CDH13: variants seen among roughly 807,000 people sequenced by gnomAD.
The protein encoded by CDH13 is cadherin-13.
A neutral mutation model predicts 63.8 loss-of-function variants in CDH13; 24 were observed. The ratio of observed to expected loss-of-function variants is 0.38; its 90% confidence interval spans 0.27 to 0.53. The LOEUF (loss-of-function observed/expected upper bound fraction) is 0.53. CDH13 is among the 20% of genes least tolerant of loss of function. CDH13 has a pLI of 0.85. For missense variants in CDH13, 1,049 were observed against 903.1 expected, an observed-to-expected ratio of 1.16 and a Z score of -2.07; for synonymous variants, 503 against 355.3, an observed-to-expected ratio of 1.42 and a Z score of -4.67.
rs563011722 is a variant in CDH13 at position 82,644,779 on chromosome 16, G to T, written c.45+17642G>T. On this transcript the variant is annotated intron_variant, in intron 1 of 13. Coordinates refer to ENST00000567109, the MANE Select transcript of CDH13 (RefSeq NM_001257.5). The surrounding 1 kb of genome is among the most constrained non-coding windows in gnomAD (Gnocchi z 5.7). ...TTAAAGCCTTTCCAGGTAGCAACAG[G>T]AGATCACGCAAAGCCACGTAAGTGT... Among the ~76,000 whole-genome samples the T allele has an allele frequency of 6.6e-6, 1 of 152,140 alleles. No individual in the cohort carries two copies. The highest frequency in any genetic ancestry group is 1.5e-5 in the Non-Finnish European group (1 of 68,026).
intron 2 of CDH13, among the ~76,000 whole-genome samples, chr16:83,010,152 A>AAAAAAAAAAC (rs1913987891): frequency 6.7e-6 from 1 of 149,058 alleles, no homozygotes; most frequent in Non-Finnish European, 1.5e-5. Flanking sequence ...AAAAAAAAAA[A>AAAAAAAAAAC]AAAAAAAAAA....
chr16:82,846,437 C>A (rs1386597456), intron 1 of CDH13, among the ~76,000 whole-genome samples: 1 of 152,118 alleles, frequency 6.6e-6, no homozygotes, highest in Non-Finnish European at 1.5e-5. Flanking sequence ...TGTCCTGAAA[C>A]ATTTGATTTG....
chr16:82,996,265 G>GA (rs1238298909), intron 2 of CDH13, among the ~76,000 whole-genome samples: 25 of 150,184 alleles, frequency 1.7e-4, no homozygotes, highest in East Asian at 3.9e-4. Context: ...GTAAGAAAAA[G>GA]AAAAAAAAAG....
At chr16:83,567,015 A>G (rs1355854999) in intron 7 of CDH13, among the ~76,000 whole-genome samples, 1 of 152,144 alleles carries the variant, frequency 6.6e-6, no homozygotes, top group Non-Finnish European at 1.5e-5. Context: ...CCTGTGTGTC[A>G]TACAGTTCTA....
At chr16:82,825,134 T>C (rs971706271) in intron 1 of CDH13, 1 of 152,206 alleles carries the variant, frequency 6.6e-6, no homozygotes, top group Non-Finnish European at 1.5e-5. Context: ...GATGTTTTCT[T>C]GAACTCTCCA....
chr16:83,768,443 G>T (rs943696287), intron 11 of CDH13, among the ~76,000 whole-genome samples: 3 of 152,174 alleles, frequency 2.0e-5, no homozygotes, highest in Admixed American at 6.5e-5. Context: ...ACACCAGGTT[G>T]CAGCAGAGAA....
intron 5 of CDH13, among the ~76,000 whole-genome samples, chr16:83,237,865 G>C (rs1389755688): frequency 6.6e-6 from 1 of 152,210 alleles, no homozygotes; most frequent in Non-Finnish European, 1.5e-5. Flanking sequence ...AACATTATTT[G>C]TGTCTTTGGG....
chr16:82,638,497 C>G (rs916079810), intron 1 of CDH13, among the ~76,000 whole-genome samples: 1 of 152,180 alleles, frequency 6.6e-6, no homozygotes, highest in Non-Finnish European at 1.5e-5. Flanking sequence ...TTAATGATGT[C>G]ATCCTATGCT....
chr16:83,746,070 G>A (rs1597166128), intron 10 of CDH13, among the ~76,000 whole-genome samples: 1 of 152,134 alleles, frequency 6.6e-6, no homozygotes, highest in Admixed American at 6.6e-5. Flanking sequence ...TCTGTAAGTG[G>A]GGATATTATA....
At chr16:82,836,702 G>T (rs1334004182) in intron 1 of CDH13, among the ~76,000 whole-genome samples, 1 of 152,106 alleles carries the variant, frequency 6.6e-6, no homozygotes, top group Non-Finnish European at 1.5e-5. Flanking sequence ...TGCTGATGCC[G>T]ACTTCCTGCA....
intron 6 of CDH13, among the ~76,000 whole-genome samples, chr16:83,406,364 C>T (rs78774931): frequency 0.017 from 2,573 of 152,254 alleles, 78 homozygotes; most frequent in African/African-American, 0.059. Flanking sequence ...GTCTTTGTCT[C>T]AGGCTCAGCC....
intron 3 of CDH13, among the ~76,000 whole-genome samples, chr16:83,068,915 A>G (rs181880294): frequency 6.6e-6 from 1 of 152,256 alleles, no homozygotes; most frequent in East Asian, 1.9e-4. Context: ...ATGACACATG[A>G]TTGCCACCCA....
At chr16:82,675,488 A>G (rs535675886) in intron 1 of CDH13, among the ~76,000 whole-genome samples, 197 of 152,312 alleles carry the variant, frequency 1.3e-3, no homozygotes, top group African/African-American at 4.4e-3. Flanking sequence ...GAATTAAGGT[A>G]TTCTCCTCTG....
Position 82,858,397 on chromosome 16 carries a change from C to T in CDH13, c.81C>T (p.Cys27=). The change falls in exon 2 of 14, where the codon TGC becomes TGT. Residue 27 remains cysteine, a synonymous_variant. Coordinates refer to ENST00000567109, the MANE Select transcript of CDH13 (RefSeq NM_001257.5). ...TAACATCTGCAGAAGATTTGGACTGCACTCCTGGATTTCAGCAGAAAGTGT... is the reference window on the plus strand; with the variant it reads ...TAACATCTGCAGAAGATTTGGACTGTACTCCTGGATTTCAGCAGAAAGTGT... ...LLLTSAEDLD[C]TPGFQQKVFH... 6.2e-7 allele frequency: 1 copy of T among 1,613,654 alleles called. No homozygotes were observed. Among genetic ancestry groups the T allele is most frequent in the South Asian group, 1.1e-5 (1 of 91,072 alleles).
chr16:82,945,439 CTG>C (rs1164073475), intron 2 of CDH13, among the ~76,000 whole-genome samples: 2 of 152,214 alleles, frequency 1.3e-5, no homozygotes, highest in Non-Finnish European at 2.9e-5. Context: ...AGGCCACTGA[CTG>C]AAACCGAGAG....
intron 7 of CDH13, among the ~76,000 whole-genome samples, chr16:83,600,080 T>A (rs941390948): frequency 6.6e-6 from 1 of 152,138 alleles, no homozygotes; most frequent in African/African-American, 2.4e-5. Context: ...CAAGCATCTA[T>A]ACCGAGAGAT....
At chr16:82,914,006 T>G (rs1018905117) in intron 2 of CDH13, among the ~76,000 whole-genome samples, 9 of 151,502 alleles carry the variant, frequency 5.9e-5, no homozygotes, top group Admixed American at 2.0e-4. Flanking sequence ...GAAGAGAATT[T>G]AGAGAAGAAA....
At chr16:82,906,038 TTCTA>T (rs761762512) in intron 2 of CDH13, among the ~76,000 whole-genome samples, 3 of 152,328 alleles carry the variant, frequency 2.0e-5, no homozygotes, top group Non-Finnish European at 2.9e-5. Context: ...ACATGCATAT[TTCTA>T]TCTATCTACC....
At chr16:83,159,423 A>G (rs1373140814) in intron 4 of CDH13, among the ~76,000 whole-genome samples, 1 of 152,116 alleles carries the variant, frequency 6.6e-6, no homozygotes, top group African/African-American at 2.4e-5. Flanking sequence ...TAAACAATTA[A>G]TGGGTATCAT....
Sources: gnomAD v4.1 joint callset for allele counts (sites outside exome capture counted in the v4.1 genomes callset) on GRCh38, gnomAD v4.1.1 for gene constraint, Gnocchi (gnomAD v3.1) non-coding constraint, MANE v1.5 for transcripts, NCBI Gene and HGNC (gene_info 2026-07-23, HGNC 2026-07-21) for gene names.